The following EML1 variants were observed in gnomAD, a reference collection of about 807,000 sequenced individuals.
The protein encoded by EML1 is EMAP like 1, also known as echinoderm microtubule-associated protein-like 1.
In EML1, 27 loss-of-function variants were observed where a neutral mutation model predicts 110.4. The ratio of observed to expected loss-of-function variants is 0.24; its 90% CI spans 0.18 to 0.34. The LOEUF (loss-of-function observed/expected upper bound fraction) is 0.34. Among genes scored for constraint, EML1 ranks in the 10% least tolerant of loss-of-function variants. The probability of loss-of-function intolerance (pLI) is 1.00; values close to 1 mark genes in which losing one functional copy is unlikely to be tolerated. For missense variants in EML1, 741 were observed against 1,030.9 expected, an observed-to-expected ratio of 0.72 and a Z score of 3.85; for synonymous variants, 344 against 385.8, an observed-to-expected ratio of 0.89 and a Z score of 1.27.
intron 2 of EML1, among the ~76,000 whole-genome samples, chr14:99,862,172 G>A (rs2059013089): frequency 6.6e-6 from 1 of 152,188 alleles, no homozygotes. Flanking sequence ...TTCGCCTGAT[G>A]TTTTTCTCAT....
intron 1 of EML1, among the ~76,000 whole-genome samples, chr14:99,826,566 A>G (rs1395361503): frequency 6.6e-6 from 1 of 152,142 alleles, no homozygotes; most frequent in East Asian, 1.9e-4. Context: ...GCAGCACGCC[A>G]CAGCCTTCTG....
intron 10 of EML1, among the ~76,000 whole-genome samples, chr14:99,908,682 G>C (rs2059896369): frequency 6.6e-6 from 1 of 152,200 alleles, no homozygotes; most frequent in Non-Finnish European, 1.5e-5. Context: ...GGTCTTGGAG[G>C]TTAGGGTGTG....
At chr14:99,793,135 G>A (rs554433779), upstream of EML1, among the ~76,000 whole-genome samples, 1 of 149,450 alleles carries the variant, frequency 6.7e-6, no homozygotes, top group Non-Finnish European at 1.5e-5. Flanking sequence ...GACAGCGGGC[G>A]GCAGACGCGC....
At chr14:99,938,387 CT>C (rs2060512614) in intron 20 of EML1, among the ~76,000 whole-genome samples, 1 of 152,252 alleles carries the variant, frequency 6.6e-6, no homozygotes, top group African/African-American at 2.4e-5. Context: ...TTTATTGTCT[CT>C]TTACGTAAGA....
rs2060474744 is a variant in EML1, at chr14:99,936,545, G to A, written c.2095+211G>A. On this transcript the variant is annotated intron_variant, in intron 19 of 21. Transcript: ENST00000262233. The surrounding 1 kb of genome is among the most constrained non-coding windows in gnomAD (Gnocchi z 5.5). ...TTCCTGCTGACTGTGAGCCCCTATG[G>A]AGGAGAAGATCCAGGGCCTGCCCCA... Among the ~76,000 whole-genome samples the A allele has an allele frequency of 6.6e-6, 1 of 152,120 alleles. No homozygotes were observed. The highest frequency in any genetic ancestry group is 2.1e-4 in the South Asian group (1 of 4,816).
chr14:99,757,146 C>G (rs964660876), intron 1 of EML1, among the ~76,000 whole-genome samples: 2 of 152,150 alleles, frequency 1.3e-5, no homozygotes, highest in Non-Finnish European at 2.9e-5. Context: ...TCGAGTCCAG[C>G]CTGACCAATG....
intron 17 of EML1, among the ~76,000 whole-genome samples, chr14:99,922,263 ATG>A: frequency 6.6e-6 from 1 of 151,876 alleles, no homozygotes; most frequent in Non-Finnish European, 1.5e-5. Context: ...TTACAGGTGC[ATG>A]CCACCACACC....
intron 6 of EML1, among the ~76,000 whole-genome samples, chr14:99,896,336 A>T (rs1595448504): frequency 6.7e-6 from 1 of 148,580 alleles, no homozygotes; most frequent in South Asian, 2.3e-4. Flanking sequence ...TACCACCTGT[A>T]CCTAAATTTC....
rs754283590 is a variant in EML1 at position 99,939,267 on chromosome 14, G to T, written c.2262G>T (p.Leu754=). 4 of 1,614,230 alleles carry T rather than the reference G, an allele frequency of 2.5e-6. No individual in the cohort carries two copies. Among genetic ancestry groups the T allele is most frequent in the Non-Finnish European group, 3.4e-6 (4 of 1,180,046 alleles). The change falls in exon 21 of 22, where the codon CTG becomes CTT. Residue 754 remains leucine, a synonymous_variant. Coordinates refer to ENST00000262233, the MANE Select transcript of EML1 (RefSeq NM_004434.3). The surrounding 1 kb of genome is among the most constrained non-coding windows in gnomAD (Gnocchi z 4.2). ...AVCRAHEKKL[L]STGDDFGKVH... The stretch of plus-strand genomic sequence containing the variant: ...GTCGGGCCCATGAGAAGAAACTCCT[G>T]TCAACAGGCGACGACTTTGGCAAAG...
chr14:99,774,215 G>C (rs2057457675), intron 1 of EML1, among the ~76,000 whole-genome samples: 1 of 152,130 alleles, frequency 6.6e-6, no homozygotes, highest in Non-Finnish European at 1.5e-5. Flanking sequence ...AGAGGGGTTG[G>C]AGATGAGAAG....
At chr14:99,805,024 C>T (rs2057946189) in intron 1 of EML1, among the ~76,000 whole-genome samples, 1 of 152,200 alleles carries the variant, frequency 6.6e-6, no homozygotes, top group Non-Finnish European at 1.5e-5. Flanking sequence ...CCCTTGCCTT[C>T]CCTGCAGCGT....
chr14:99,856,726 G>T (rs1355087194), intron 2 of EML1, among the ~76,000 whole-genome samples: 4 of 152,156 alleles, frequency 2.6e-5, no homozygotes, highest in African/African-American at 7.2e-5. Context: ...GTAGATGTTT[G>T]TAGTTTTTCA....
intron 1 of EML1, among the ~76,000 whole-genome samples, chr14:99,807,439 T>C (rs560478931): frequency 6.6e-6 from 1 of 152,298 alleles, no homozygotes; most frequent in East Asian, 1.9e-4. Context: ...TTTAAGGCGA[T>C]TGTGACAAAG....
chr14:99,756,508 G>C (rs1482844817), intron 1 of EML1, among the ~76,000 whole-genome samples: 12 of 152,188 alleles, frequency 7.9e-5, no homozygotes, highest in Admixed American at 7.9e-4. Flanking sequence ...GTGGGCTTTG[G>C]GGAAACCTTT....
chr14:99,850,120 G>A (rs1011341040), intron 1 of EML1: 58 of 297,596 alleles, frequency 1.9e-4, no homozygotes, highest in Middle Eastern at 8.3e-4. Context: ...TTGGTATTTT[G>A]TAGAGGCAGA....
intron 1 of EML1, among the ~76,000 whole-genome samples, chr14:99,765,225 A>G (rs542939907): frequency 1.3e-5 from 2 of 151,862 alleles, no homozygotes; most frequent in Middle Eastern, 3.4e-3. Context: ...ACAGGCGTGT[A>G]AGATAGGCAT....
At chr14:99,920,667 T>C in intron 16 of EML1, 122 bp from the exon 17 acceptor site, 1 of 756,632 alleles carries the variant, frequency 1.3e-6, no homozygotes, top group South Asian at 2.3e-5. Flanking sequence ...AGCTTTCTTA[T>C]TAAGCAAATT....
chr14:99,892,423 A>AT lies in EML1; in HGVS notation c.547+1205dup, dbSNP rs981015607. Among the ~76,000 whole-genome samples the AT allele has an allele frequency of 1.1e-4, 16 of 151,714 alleles. 1 individual carries two copies. The highest frequency in any genetic ancestry group is 2.6e-4 in the Admixed American group (4 of 15,222). ...CAATTGGTATTGGCTGACTGCAGGA[A>AT]TTTTTTTTTCATCTATGTAAACCTT... On this transcript the variant is annotated intron_variant, in intron 5 of 21. Transcript: ENST00000262233.
At chr14:99,780,693 T>C (rs1033787515) in intron 1 of EML1, among the ~76,000 whole-genome samples, 1 of 152,190 alleles carries the variant, frequency 6.6e-6, no homozygotes, top group Non-Finnish European at 1.5e-5. Flanking sequence ...CATAAGGTTA[T>C]GACACTGTAT....
Sources: allele counts gnomAD v4.1 joint callset (sites outside exome capture counted in the v4.1 genomes callset), GRCh38; gene constraint gnomAD v4.1.1; non-coding constraint Gnocchi (gnomAD v3.1); transcripts MANE v1.5; gene names NCBI Gene and HGNC (gene_info 2026-07-23, HGNC 2026-07-21).